CYRIB: variants seen among roughly 807,000 people sequenced by gnomAD.
CYRIB encodes the protein CYFIP related Rac1 interactor B.
CYRIB carries 8 observed loss-of-function variants against 44.2 expected under a neutral mutation model. The ratio of observed to expected loss-of-function variants is 0.18; its 90% CI spans 0.11 to 0.33. The LOEUF (loss-of-function observed/expected upper bound fraction) is 0.33. Among genes scored for constraint, CYRIB ranks in the 10% least tolerant of loss-of-function variants. CYRIB has a pLI of 1.00. For synonymous variants in CYRIB, 131 were observed against 127.2 expected, an observed-to-expected ratio of 1.03 and a Z score of -0.20; for missense variants, 185 against 382.8, an observed-to-expected ratio of 0.48 and a Z score of 4.31.
chr8:130,015,036 G>A (rs2097309706), intron 1 of CYRIB, among the ~76,000 whole-genome samples: 1 of 152,300 alleles, frequency 6.6e-6, no homozygotes, highest in African/African-American at 2.4e-5. Context: ...TTCCAAGAAT[G>A]GGAGAGTCTC....
In CYRIB at chr8:130,002,591, TC is replaced by T. The variant is rs546894545; in HGVS notation, c.-296+13778del. Among the ~76,000 whole-genome samples, 459 of 152,310 alleles carry T rather than the reference TC, an allele frequency of 3.0e-3. 1 individual carries two copies. The highest frequency in any genetic ancestry group is 5.0e-3 in the Admixed American group (76 of 15,284). On this transcript the variant is annotated intron_variant, in intron 1 of 14. Coordinates refer to the CYRIB transcript ENST00000401979. ...GAAAGAATATCTCCATATTCTTATC[TC>T]CCTCACACAACCTCTGACACCATTT...
intron 1 of CYRIB, among the ~76,000 whole-genome samples, chr8:129,917,629 C>T (rs934623837): frequency 1.3e-5 from 2 of 152,106 alleles, no homozygotes; most frequent in African/African-American, 4.8e-5. Flanking sequence ...GAGGCCAAGG[C>T]GGGCGGATCA....
chr8:129,983,173 C>T (rs541033964), intron 1 of CYRIB, among the ~76,000 whole-genome samples: 1 of 152,274 alleles, frequency 6.6e-6, no homozygotes, highest in South Asian at 2.1e-4. Context: ...AGGCCGGGCG[C>T]AGTGGCTCAC....
intron 1 of CYRIB, among the ~76,000 whole-genome samples, chr8:130,013,398 G>A (rs776885296): frequency 1.3e-5 from 2 of 152,178 alleles, no homozygotes; most frequent in Non-Finnish European, 2.9e-5. Flanking sequence ...GGAGACCAAC[G>A]GGGATTCTTT....
chr8:129,872,333 A>C (rs928053582), intron 3 of CYRIB, among the ~76,000 whole-genome samples: 1 of 152,176 alleles, frequency 6.6e-6, no homozygotes, highest in Admixed American at 6.5e-5. Context: ...TACAGTTATA[A>C]AAAGCAGAAT....
At chr8:129,910,953 C>T (rs1382373435) in intron 1 of CYRIB, among the ~76,000 whole-genome samples, 1 of 152,186 alleles carries the variant, frequency 6.6e-6, no homozygotes, top group East Asian at 1.9e-4. Flanking sequence ...CCACCTTGCC[C>T]GGCCTCTCTC....
intron 1 of CYRIB, among the ~76,000 whole-genome samples, chr8:129,903,857 T>A (rs540909131): frequency 6.6e-6 from 1 of 152,176 alleles, no homozygotes; most frequent in Non-Finnish European, 1.5e-5. Context: ...AGGGACACAT[T>A]TGGCAAAATT....
At chr8:129,946,623 A>G (rs961637832) in intron 2 of CYRIB, among the ~76,000 whole-genome samples, 7 of 152,138 alleles carry the variant, frequency 4.6e-5, no homozygotes, top group African/African-American at 1.7e-4. Flanking sequence ...AACCAATCAA[A>G]CTGACACCTT....
chr8:129,936,988 T>C (rs1471844040), intron 1 of CYRIB, among the ~76,000 whole-genome samples: 2 of 152,204 alleles, frequency 1.3e-5, no homozygotes, highest in East Asian at 3.8e-4. Context: ...ATTACAGGCG[T>C]GAGCCACTGC....
intron 9 of CYRIB, chr8:129,849,570 G>C: frequency 2.2e-6 from 1 of 448,584 alleles, no homozygotes; most frequent in Non-Finnish European, 3.8e-6. Context: ...CCCTGAAAGG[G>C]ATATAAAATT....
intron 2 of CYRIB, among the ~76,000 whole-genome samples, chr8:129,897,044 C>CT (rs1368158184): frequency 3.3e-5 from 5 of 152,186 alleles, no homozygotes. Context: ...ACTAGGGGCT[C>CT]TTCTCAACAC....
At chr8:129,931,801 AT>A in intron 1 of CYRIB, among the ~76,000 whole-genome samples, 1 of 151,058 alleles carries the variant, frequency 6.6e-6, no homozygotes, top group Non-Finnish European at 1.5e-5. Flanking sequence ...TAATCTTTGT[AT>A]TTTAAGTAGA....
chr8:129,872,396 C>T (rs1230647762), intron 3 of CYRIB, among the ~76,000 whole-genome samples: 2 of 152,100 alleles, frequency 1.3e-5, no homozygotes, highest in African/African-American at 2.4e-5. Context: ...AGCCACAAAA[C>T]ATATGTTAAT....
At chr8:129,967,898 G>A (rs1489088450) in intron 2 of CYRIB, among the ~76,000 whole-genome samples, 3 of 152,146 alleles carry the variant, frequency 2.0e-5, no homozygotes, top group East Asian at 1.9e-4. Flanking sequence ...GATGTAAGTA[G>A]TGCCATTGAT....
intron 2 of CYRIB, among the ~76,000 whole-genome samples, chr8:129,887,653 G>A (rs1437888403): frequency 1.3e-5 from 2 of 152,252 alleles, no homozygotes; most frequent in Non-Finnish European, 2.9e-5. Context: ...AGCAAGAGGG[G>A]CAGAGCTGCA....
At chr8:129,987,774 G>A (rs918251403) in intron 1 of CYRIB, among the ~76,000 whole-genome samples, 6 of 152,016 alleles carry the variant, frequency 3.9e-5, no homozygotes, top group Non-Finnish European at 8.8e-5. Flanking sequence ...GTTTCACCAT[G>A]TTGGCCAGGC....
chr8:129,895,110 C>T (rs1291296117), intron 2 of CYRIB, among the ~76,000 whole-genome samples: 4 of 8,792 alleles, frequency 4.5e-4, no homozygotes, highest in African/African-American at 1.4e-3. Context: ...TGTGTGTCGG[C>T]GGGGTTGGGG....
intron 1 of CYRIB, among the ~76,000 whole-genome samples, chr8:129,911,783 A>C (rs542949099): frequency 6.6e-6 from 1 of 152,330 alleles, no homozygotes; most frequent in East Asian, 1.9e-4. Context: ...CCAGGCTTTG[A>C]GGACATTATA....
At chr8:129,949,925 T>C (rs1197828699) in intron 2 of CYRIB, among the ~76,000 whole-genome samples, 1 of 152,196 alleles carries the variant, frequency 6.6e-6, no homozygotes, top group Non-Finnish European at 1.5e-5. Context: ...AATTATCACC[T>C]ACTTCACTGT....
Sources: allele counts gnomAD v4.1 joint callset (sites outside exome capture counted in the v4.1 genomes callset), GRCh38; gene constraint gnomAD v4.1.1; transcripts MANE v1.5; gene names NCBI Gene and HGNC (gene_info 2026-07-23, HGNC 2026-07-21).